Variants in CNTN4 observed in about 807,000 individuals in gnomAD.
The protein encoded by CNTN4 is contactin 4, also known as contactin-4.
CNTN4 carries 77 observed loss-of-function variants against 122.5 expected under a neutral mutation model. The ratio of observed to expected loss-of-function variants is 0.63; its 90% CI spans 0.52 to 0.76. CNTN4 has a LOEUF of 0.76. Ranked by LOEUF, CNTN4 falls within the 30% of genes least tolerant of loss-of-function variation. The probability of loss-of-function intolerance (pLI) is 0.00; values close to 1 mark genes in which losing one functional copy is unlikely to be tolerated. For synonymous variants in CNTN4, 512 were observed against 447.0 expected, an observed-to-expected ratio of 1.15 and a Z score of -1.83; for missense variants, 1,256 against 1,259.1, an observed-to-expected ratio of 1.00 and a Z score of 0.04.
intron 4 of CNTN4, among the ~76,000 whole-genome samples, chr3:2,676,502 G>A (rs768339030): frequency 1.3e-5 from 2 of 152,192 alleles, no homozygotes; most frequent in East Asian, 1.9e-4. Flanking sequence ...GATTACAGGC[G>A]TGAGCCACTG....
intron 2 of CNTN4, among the ~76,000 whole-genome samples, chr3:2,222,211 G>A (rs1469056337): frequency 1.3e-5 from 2 of 152,188 alleles, no homozygotes; most frequent in South Asian, 2.1e-4. Flanking sequence ...GTGGAATGCT[G>A]TTCAGCAATG....
At chr3:2,141,298 C>T (rs1240462942) in intron 2 of CNTN4, among the ~76,000 whole-genome samples, 1 of 151,946 alleles carries the variant, frequency 6.6e-6, no homozygotes, top group Non-Finnish European at 1.5e-5. Context: ...TCCTAGTGGA[C>T]CTAATATTTT....
intron 3 of CNTN4, among the ~76,000 whole-genome samples, chr3:2,395,766 A>G (rs1171476742): frequency 6.6e-6 from 1 of 152,178 alleles, no homozygotes; most frequent in Non-Finnish European, 1.5e-5. Context: ...CATGAATGAC[A>G]TGATGTCATT....
chr3:2,919,411 C>G (rs1389937789), intron 12 of CNTN4, among the ~76,000 whole-genome samples: 2 of 149,024 alleles, frequency 1.3e-5, no homozygotes, highest in African/African-American at 4.9e-5. Context: ...TGACTTAATT[C>G]TTCAATAGGT....
intron 3 of CNTN4, among the ~76,000 whole-genome samples, chr3:2,536,500 A>G (rs920619601): frequency 3.9e-5 from 6 of 152,154 alleles, no homozygotes; most frequent in African/African-American, 7.2e-5. Context: ...TCAAGTATAT[A>G]TCATAAAAAC....
At chr3:2,511,585 T>G (rs1389643792) in intron 3 of CNTN4, 1 of 152,244 alleles carries the variant, frequency 6.6e-6, no homozygotes, top group Non-Finnish European at 1.5e-5. Context: ...CATAAGGGCC[T>G]GTTCTGCGTG....
chr3:2,279,574 C>G (rs907308516), intron 2 of CNTN4, among the ~76,000 whole-genome samples: 4 of 152,098 alleles, frequency 2.6e-5, no homozygotes, highest in Non-Finnish European at 4.4e-5. Flanking sequence ...TTAAGAATGA[C>G]TGAAGAAACA....
At chr3:2,160,947 A>T (rs1214666778) in intron 2 of CNTN4, among the ~76,000 whole-genome samples, 1 of 151,670 alleles carries the variant, frequency 6.6e-6, no homozygotes, top group Non-Finnish European at 1.5e-5. Context: ...TTATGTTTGG[A>T]GTTGGGAGAA....
intron 4 of CNTN4, among the ~76,000 whole-genome samples, chr3:2,695,547 GTCC>G (rs1296479935): frequency 6.6e-6 from 1 of 152,122 alleles, no homozygotes; most frequent in East Asian, 1.9e-4. Context: ...TCAGTTTGAT[GTCC>G]TCCTCAGTTT....
intron 2 of CNTN4, among the ~76,000 whole-genome samples, chr3:2,127,774 T>G (rs1326261218): frequency 6.6e-6 from 1 of 152,154 alleles, no homozygotes; most frequent in African/African-American, 2.4e-5. Context: ...TCATCATTGT[T>G]GTAGAAATCT....
rs1290479375 is a variant in CNTN4, at chr3:2,132,443, C to T, written c.-145+31804C>T. 3 of 152,252 alleles carry T rather than the reference C, an allele frequency of 2.0e-5. No homozygotes were observed. In the East Asian group the frequency reaches 5.8e-4, roughly 29 times the overall value. 9.4% of individuals were successfully genotyped at this position (152,252 alleles called of 1,614,324 possible). On this transcript the variant is annotated intron_variant, in intron 2 of 24. Coordinates refer to ENST00000418658, the MANE Select transcript of CNTN4 (RefSeq NM_175607.3). ...TTATCCAATAGCAGATATCCAGAAACAGGTTTGCTGTGAAGAAGAGAGATA... is the reference window on the plus strand; with the variant it reads ...TTATCCAATAGCAGATATCCAGAAATAGGTTTGCTGTGAAGAAGAGAGATA...
intron 3 of CNTN4, among the ~76,000 whole-genome samples, chr3:2,361,328 G>A (rs528456614): frequency 2.0e-5 from 3 of 152,276 alleles, no homozygotes; most frequent in Admixed American, 1.3e-4. Context: ...TGTCCCTCAG[G>A]AGATACTTGG....
chr3:2,342,409 G>T (rs2044241354), intron 3 of CNTN4, among the ~76,000 whole-genome samples: 1 of 152,138 alleles, frequency 6.6e-6, no homozygotes, highest in Admixed American at 6.5e-5. Context: ...CAACAACTGG[G>T]ATAAACCTTG....
chr3:2,700,352 C>T (rs1293965295), intron 4 of CNTN4, among the ~76,000 whole-genome samples: 1 of 152,126 alleles, frequency 6.6e-6, no homozygotes, highest in Non-Finnish European at 1.5e-5. Context: ...GCAAGAATTC[C>T]AGGTCCTTGC....
At chr3:2,165,781 C>A (rs1281057262) in intron 2 of CNTN4, among the ~76,000 whole-genome samples, 1 of 152,064 alleles carries the variant, frequency 6.6e-6, no homozygotes, top group Non-Finnish European at 1.5e-5. Context: ...TGAGATCACG[C>A]AGTATTTTTC....
At chr3:2,962,220 G>C (rs997419224) in intron 13 of CNTN4, among the ~76,000 whole-genome samples, 1 of 152,082 alleles carries the variant, frequency 6.6e-6, no homozygotes. Context: ...TGCCCCTTAG[G>C]GAATTTTTAT....
intron 18 of CNTN4, chr3:3,037,745 A>T (rs1030782161): frequency 3.8e-6 from 1 of 262,710 alleles, no homozygotes; most frequent in Non-Finnish European, 7.4e-6. Context: ...TGTTTAGAAT[A>T]GAAATAAAAA....
intron 10 of CNTN4, among the ~76,000 whole-genome samples, chr3:2,888,375 A>G (rs2094001485): frequency 1.3e-5 from 2 of 152,176 alleles, no homozygotes; most frequent in African/African-American, 4.8e-5. Flanking sequence ...AGACTCCATC[A>G]CTGACATCAA....
chr3:2,445,614 G>A (rs535167316), intron 3 of CNTN4, among the ~76,000 whole-genome samples: 1 of 152,082 alleles, frequency 6.6e-6, no homozygotes, highest in South Asian at 2.1e-4. Flanking sequence ...TTTCAAATAA[G>A]CTCAAAGAAA....
Sources: gnomAD v4.1 joint callset for allele counts (sites outside exome capture counted in the v4.1 genomes callset) on GRCh38, gnomAD v4.1.1 for gene constraint, MANE v1.5 for transcripts, NCBI Gene and HGNC (gene_info 2026-07-23, HGNC 2026-07-21) for gene names.